The following TRIM24 variants were observed in gnomAD, a reference collection of about 807,000 sequenced individuals.
TRIM24 encodes the protein tripartite motif containing 24.
A neutral mutation model predicts 123.9 loss-of-function variants in TRIM24; 29 were observed. The observed-to-expected ratio is 0.23, with a 90% CI of 0.17 to 0.32. TRIM24 has a LOEUF of 0.32. Ranked by LOEUF, TRIM24 falls within the 10% of genes least tolerant of loss-of-function variation. The probability of loss-of-function intolerance (pLI) is 1.00; values close to 1 mark genes in which losing one functional copy is unlikely to be tolerated. For synonymous variants in TRIM24, 456 were observed against 461.1 expected (o/e 0.99, Z 0.14); for missense variants, 932 against 1,295.3 (o/e 0.72, Z 4.31).
chr7:138,473,140 C>T (rs530900228), intron 1 of TRIM24, among the ~76,000 whole-genome samples: 4 of 152,138 alleles, frequency 2.6e-5, no homozygotes, highest in East Asian at 1.9e-4. Context: ...ATTAACCAGG[C>T]GTGGTGGCAT....
chr7:138,553,843 C>G (rs1797261189), intron 8 of TRIM24, among the ~76,000 whole-genome samples: 1 of 152,246 alleles, frequency 6.6e-6, no homozygotes, highest in Non-Finnish European at 1.5e-5. Flanking sequence ...CCTCTGTTGA[C>G]TTCAGTAGGG....
chr7:138,463,544 AT>A (rs769807433), intron 1 of TRIM24, among the ~76,000 whole-genome samples: 8 of 152,116 alleles, frequency 5.3e-5, no homozygotes, highest in Non-Finnish European at 8.8e-5. Context: ...TTCCATTTAT[AT>A]TTTAAATGGT....
At chr7:138,541,827 T>C (rs1797010900) in intron 7 of TRIM24, among the ~76,000 whole-genome samples, 1 of 152,224 alleles carries the variant, frequency 6.6e-6, no homozygotes, top group African/African-American at 2.4e-5. Context: ...ATCTTTTGAT[T>C]AACTTGCTGC....
intron 9 of TRIM24, among the ~76,000 whole-genome samples, chr7:138,557,746 G>A (rs777529269): frequency 5.9e-5 from 9 of 152,148 alleles, no homozygotes; most frequent in Admixed American, 1.3e-4. Context: ...CTAGTCTAAA[G>A]CCAGTCTATT....
intron 16 of TRIM24, 38 bp downstream of exon 16, chr7:138,580,732 C>G (rs767290465): frequency 6.3e-7 from 1 of 1,584,014 alleles, no homozygotes. Context: ...TATTGTAGTG[C>G]AATATTGTAC....
intron 2 of TRIM24, among the ~76,000 whole-genome samples, chr7:138,511,384 T>C (rs1002146262): frequency 1.3e-5 from 2 of 151,440 alleles, no homozygotes; most frequent in African/African-American, 4.9e-5. Context: ...CACTGCAACC[T>C]CTGCCTCCCA....
chr7:138,530,745 G>T (rs1796714870), intron 6 of TRIM24, among the ~76,000 whole-genome samples: 1 of 151,902 alleles, frequency 6.6e-6, no homozygotes, highest in Non-Finnish European at 1.5e-5. Context: ...TGAGATTACA[G>T]GTATGAGCTA....
intron 9 of TRIM24, among the ~76,000 whole-genome samples, chr7:138,564,935 G>A (rs532012007): frequency 2.6e-5 from 4 of 152,084 alleles, no homozygotes; most frequent in South Asian, 2.1e-4. Flanking sequence ...CTTTCACTTC[G>A]GACCGATTAG....
chr7:138,576,363 CCCT>C lies in TRIM24; in HGVS notation c.2015-5_2015-3del, dbSNP rs777015519. ...TTCGTTTTATGAATGTATGGTTTCCCCCTCCTCAGGACCTGTTACTATGACTAG... is the reference window on the plus strand; with the variant it reads ...TTCGTTTTATGAATGTATGGTTTCCCCCTCAGGACCTGTTACTATGACTAG... On this transcript the variant is annotated splice_polypyrimidine_tract_variant and splice_region_variant and intron_variant, in intron 12 of 18. Transcript: ENST00000343526. The C allele has an allele frequency of 2.5e-6, 4 of 1,611,584 alleles. No individual in the cohort carries two copies. In the South Asian group the frequency reaches 3.3e-5, roughly 13 times the overall value.
chr7:138,577,633 G>C (rs748556089), intron 14 of TRIM24, 45 bp downstream of exon 14: 1 of 1,436,352 alleles, frequency 7.0e-7, no homozygotes, highest in Non-Finnish European at 9.2e-7. Flanking sequence ...ATGGTGGGTA[G>C]GGTGAGAGAA....
chr7:138,508,907 T>C (rs1191546687), intron 2 of TRIM24, among the ~76,000 whole-genome samples: 1 of 151,946 alleles, frequency 6.6e-6, no homozygotes, highest in East Asian at 1.9e-4. Flanking sequence ...CATCATTGAG[T>C]TGGTCACCTA....
rs1190749595 is a variant in TRIM24 at position 138,589,587 on chromosome 7, G to T, written c.*4636G>T. On this transcript the variant is annotated 3_prime_UTR_variant, in exon 19 of 19. Coordinates refer to ENST00000343526, the MANE Select transcript of TRIM24 (RefSeq NM_015905.3). ...CACGTGTATTTCACCAGCCTTAAAAGATTTAAAAAAAAATCTGACAGGAAG... is the reference window on the plus strand; with the variant it reads ...CACGTGTATTTCACCAGCCTTAAAATATTTAAAAAAAAATCTGACAGGAAG... 6.6e-6 allele frequency: 1 copy of T among 151,380 alleles called. No individual in the cohort carries two copies. The highest frequency in any genetic ancestry group is 1.5e-5 in the Non-Finnish European group (1 of 68,002). 9.4% of individuals were successfully genotyped at this position (151,380 alleles called of 1,614,324 possible).
chr7:138,573,722 CCTT>C (rs2116676594), intron 12 of TRIM24, 80 bp downstream of exon 12: 1 of 1,459,344 alleles, frequency 6.9e-7, no homozygotes, highest in Non-Finnish European at 9.2e-7. Context: ...CCCCTCTTCT[CCTT>C]TTTTGTTGAA....
intron 9 of TRIM24, 94 bp downstream of exon 9, chr7:138,555,060 C>G: frequency 3.1e-6 from 4 of 1,281,650 alleles, no homozygotes; most frequent in Non-Finnish European, 4.3e-6. Flanking sequence ...TTTCCATACT[C>G]TAAATATCTG....
Position 138,529,123 on chromosome 7 carries a change from G to A in TRIM24, c.889G>A (p.Glu297Lys). The part of the protein sequence containing the change: ...TGNQIQNRII[E>K]VNQNQKQVEQ... ...CCCCGTTTTAATTTTCAGAATTATTGAAGTAAATCAAAATCAAAAGCAGGT... is the reference window on the plus strand; with the variant it reads ...CCCCGTTTTAATTTTCAGAATTATTAAAGTAAATCAAAATCAAAAGCAGGT... The change falls in exon 6 of 19, where the codon GAA becomes AAA. Residue 297 changes from glutamate (E) to lysine (K), a missense_variant. By Grantham distance (56) the Glu-to-Lys change is moderately conservative (BLOSUM62 1). This residue lies in a region of TRIM24 where 527 missense variants were observed against 691.3 expected (regional missense o/e 0.76). Transcript: ENST00000343526. 3 of 1,528,144 alleles carry A rather than the reference G, an allele frequency of 2.0e-6. No homozygotes were observed. Among genetic ancestry groups the A allele is most frequent in the Non-Finnish European group, 2.6e-6 (3 of 1,135,742 alleles). 94.7% of individuals were successfully genotyped at this position (1,528,144 alleles called of 1,614,324 possible). A position where few individuals can be genotyped will look rare whatever the true frequency, so the allele number is the denominator to read the frequency against.
Position 138,573,607 on chromosome 7 carries a change from C to T in TRIM24, c.1979C>T (p.Ser660Leu), listed in dbSNP as rs776004144. 8 of 1,613,882 alleles carry T rather than the reference C, an allele frequency of 5.0e-6. No homozygotes were observed. Among genetic ancestry groups the T allele is most frequent in the Non-Finnish European group, 6.8e-6 (8 of 1,179,918 alleles). Residue 660 changes from serine (S) to leucine (L), a missense_variant, in exon 12 of 19, where the codon TCA becomes TTA. Ser to Leu is a moderately radical substitution (Grantham distance 145). This residue lies in a region of TRIM24 where 527 missense variants were observed against 691.3 expected (regional missense o/e 0.76). Coordinates refer to ENST00000343526, the MANE Select transcript of TRIM24 (RefSeq NM_015905.3). The stretch of plus-strand genomic sequence containing the variant: ...CCACCCTCAAACAGAACGGTCCAGT[C>T]ACCAAATTCATCAGTGCCATCTCCA... ...PRPPSNRTVQSPNSSVPSPGL... is the reference protein window; with the variant it reads ...PRPPSNRTVQLPNSSVPSPGL...
chr7:138,536,650 T>G (rs1458620906), intron 6 of TRIM24, among the ~76,000 whole-genome samples: 1 of 152,216 alleles, frequency 6.6e-6, no homozygotes, highest in Non-Finnish European at 1.5e-5. Context: ...CCAATTAGGC[T>G]ACTTGGGGGT....
chr7:138,565,419 ATCCTG>A (rs1310891221), intron 9 of TRIM24, among the ~76,000 whole-genome samples: 1 of 142,142 alleles, frequency 7.0e-6, no homozygotes, highest in African/African-American at 2.4e-5. Flanking sequence ...TCCTGGAATC[ATCCTG>A]TTCCTGCTTA....
chr7:138,474,414 C>T (rs1282295318), intron 1 of TRIM24, among the ~76,000 whole-genome samples: 15 of 152,168 alleles, frequency 9.9e-5, no homozygotes, highest in East Asian at 1.9e-4. Flanking sequence ...TGTGAGCCAC[C>T]GCGCCCGGCC....
Sources: allele counts gnomAD v4.1 joint callset (sites outside exome capture counted in the v4.1 genomes callset), GRCh38; gene constraint gnomAD v4.1.1; regional missense constraint gnomAD v4.1.1; transcripts MANE v1.5; gene names NCBI Gene and HGNC (gene_info 2026-07-23, HGNC 2026-07-21).